Variants in IMMT observed in about 807,000 individuals in gnomAD.
The protein encoded by IMMT is MICOS complex subunit MIC60.
Under a neutral mutation model 92.7 loss-of-function variants are expected in IMMT, and 40 were observed. That is an observed-to-expected ratio of 0.43 (90% CI 0.34 to 0.56). The LOEUF (loss-of-function observed/expected upper bound fraction) is 0.56. Ranked by LOEUF, IMMT falls within the 20% of genes least tolerant of loss-of-function variation. The pLI, the probability that IMMT is intolerant of heterozygous loss-of-function variation, is 0.03. For synonymous variants in IMMT, 322 were observed against 336.1 expected (o/e 0.96, Z 0.46); for missense variants, 831 against 912.1 (o/e 0.91, Z 1.14).
chr2:86,167,172 C>CTTTT (rs1163472844), intron 6 of IMMT, among the ~76,000 whole-genome samples: 1 of 126,004 alleles, frequency 7.9e-6, no homozygotes. Context: ...TATTACACTT[C>CTTTT]TTTTTTTTTT....
chr2:86,182,905 C>A (rs182469748), intron 1 of IMMT, among the ~76,000 whole-genome samples: 4,409 of 150,950 alleles, frequency 0.029, 95 homozygotes, highest in Non-Finnish European at 0.046. Context: ...ACCAAACAAA[C>A]AAAAAAAACC....
chr2:86,161,906 C>A, intron 8 of IMMT, 70 bp downstream of exon 8: 1 of 946,768 alleles, frequency 1.1e-6, no homozygotes, highest in African/African-American at 1.6e-5. Flanking sequence ...ACAGACAATA[C>A]AAAGAAAACC....
At chr2:86,152,453 AAAAAAG>A (rs994328692) in intron 11 of IMMT, among the ~76,000 whole-genome samples, 8 of 151,000 alleles carry the variant, frequency 5.3e-5, no homozygotes, top group Non-Finnish European at 1.2e-4. Flanking sequence ...AAAAAAAAAA[AAAAAAG>A]AGAGAATTAT....
In IMMT at chr2:86,146,173, G is replaced by T. The variant is rs756374553; in HGVS notation, c.1558C>A (p.Gln520Lys). Residue 520 changes from glutamine to lysine, a missense_variant, in exon 14 of 15, where the codon CAA (glutamine) becomes AAA (lysine). Transcript: ENST00000410111. ...EQNLSEKLSE[Q>K]ELQFRRLSQE... ...CTGAGACGACGAAATTGTAATTCTT[G>T]TTCAGAGAGTTTCTCAGACAGGTTC... The T allele has an allele frequency of 6.2e-7, 1 of 1,608,270 alleles. No homozygotes were observed. The highest frequency in any genetic ancestry group is 1.3e-5 in the African/African-American group (1 of 74,820).
intron 8 of IMMT, 150 bp downstream of exon 8, chr2:86,161,826 T>C: frequency 1.6e-6 from 1 of 607,156 alleles, no homozygotes; most frequent in Non-Finnish European, 3.0e-6. Flanking sequence ...TACAAATTCC[T>C]AATGCCAATT....
chr2:86,179,841 C>T (rs1432357584), intron 2 of IMMT, among the ~76,000 whole-genome samples: 2 of 151,976 alleles, frequency 1.3e-5, no homozygotes, highest in African/African-American at 4.8e-5. Flanking sequence ...TTTAGGAGGC[C>T]TAGGTGGAAG....
chr2:86,153,313 A>G (rs556387570), intron 11 of IMMT, among the ~76,000 whole-genome samples: 3 of 150,280 alleles, frequency 2.0e-5, no homozygotes, highest in African/African-American at 7.3e-5. Flanking sequence ...TTACACACAC[A>G]CACACACACA....
chr2:86,163,741 G>A (rs1289694472), intron 7 of IMMT, among the ~76,000 whole-genome samples: 9 of 151,912 alleles, frequency 5.9e-5, no homozygotes, highest in Admixed American at 5.9e-4. Context: ...TGGAGGCTGA[G>A]GTGAGCAGAT....
chr2:86,169,589 C>A (rs764052572), intron 6 of IMMT, among the ~76,000 whole-genome samples: 3 of 152,160 alleles, frequency 2.0e-5, no homozygotes, highest in Admixed American at 6.5e-5. Flanking sequence ...CAAAAAGCTA[C>A]ATCCCACGAC....
intron 6 of IMMT, 25 bp downstream of exon 6, chr2:86,170,723 CT>C (rs1380959737): frequency 6.7e-7 from 1 of 1,500,014 alleles, no homozygotes. Context: ...ACCCAAAATC[CT>C]TAAGAAGCTG....
At position 86,171,190 on chromosome 2, in the gene IMMT, T is replaced by C. The variant is rs749560565; in HGVS notation, c.559+18A>G. 2.1e-5 allele frequency: 33 copies of C among 1,564,722 alleles called. No individual in the cohort carries two copies. Among genetic ancestry groups the C allele is most frequent in the African/African-American group, 6.8e-5 (5 of 73,314 alleles). On this transcript the variant is annotated intron_variant, in intron 5 of 14. Coordinates refer to ENST00000410111, the MANE Select transcript of IMMT (RefSeq NM_006839.3). The stretch of plus-strand genomic sequence containing the variant: ...AGTGTATCATGTATAAAAGAACAAA[T>C]AGAAATAATTAAATTACCTGAAAGT...
At chr2:86,154,703 TGA>T (rs1675726272) in intron 10 of IMMT, among the ~76,000 whole-genome samples, 1 of 152,184 alleles carries the variant, frequency 6.6e-6, no homozygotes, top group African/African-American at 2.4e-5. Flanking sequence ...TGGCCTGATT[TGA>T]GAGTAAAGGG....
chr2:86,167,235 G>C (rs1415638360), intron 6 of IMMT, among the ~76,000 whole-genome samples: 2 of 126,456 alleles, frequency 1.6e-5, no homozygotes, highest in Admixed American at 8.1e-5. Context: ...GCAGTGGCGC[G>C]ATCTCGGCTC....
intron 10 of IMMT, 32 bp downstream of exon 10, chr2:86,158,560 C>CAA (rs761995600): frequency 1.7e-4 from 106 of 622,272 alleles, no homozygotes; most frequent in Non-Finnish European, 2.0e-4. Flanking sequence ...GTTAAAACAT[C>CAA]AAAAAAAAAA....
At chr2:86,148,703 T>C in intron 12 of IMMT, among the ~76,000 whole-genome samples, 1 of 152,172 alleles carries the variant, frequency 6.6e-6, no homozygotes, top group Non-Finnish European at 1.5e-5. Flanking sequence ...CTGCTTATTT[T>C]TAAATGAATT....
At chr2:86,177,126 TGTTA>T (rs1373076354) in intron 3 of IMMT, among the ~76,000 whole-genome samples, 1 of 152,204 alleles carries the variant, frequency 6.6e-6, no homozygotes, top group Non-Finnish European at 1.5e-5. Flanking sequence ...CTCTAGATCA[TGTTA>T]GATACTGGAC....
At chr2:86,161,583 G>A (rs757195102) in intron 8 of IMMT, among the ~76,000 whole-genome samples, 162 of 135,102 alleles carry the variant, frequency 1.2e-3, no homozygotes, top group Non-Finnish European at 1.9e-3. Context: ...GCATCATCTC[G>A]GCTCACTGCA....
At chr2:86,194,097 C>G (rs200551552) in intron 1 of IMMT, among the ~76,000 whole-genome samples, 1 of 152,226 alleles carries the variant, frequency 6.6e-6, no homozygotes, top group East Asian at 1.9e-4. Context: ...AAGCTGGGAG[C>G]AGTGGCTGGC....
At chr2:86,152,669 G>A (rs891732169) in intron 11 of IMMT, among the ~76,000 whole-genome samples, 4 of 151,984 alleles carry the variant, frequency 2.6e-5, no homozygotes, top group African/African-American at 2.4e-5. Context: ...GCTGAGGCAC[G>A]AGAATTGCCT....
Sources: allele counts gnomAD v4.1 joint callset (sites outside exome capture counted in the v4.1 genomes callset), GRCh38; gene constraint gnomAD v4.1.1; transcripts MANE v1.5; gene names NCBI Gene and HGNC (gene_info 2026-07-23, HGNC 2026-07-21).